Variants in MRC2 observed in about 807,000 individuals in gnomAD.
MRC2 encodes C-type mannose receptor 2.
MRC2 carries 84 observed loss-of-function variants against 206.2 expected under a neutral mutation model. The observed-to-expected ratio is 0.41, with a 90% CI of 0.34 to 0.49. The LOEUF is 0.49. Among genes scored for constraint, MRC2 ranks in the 20% least tolerant of loss-of-function variants. The probability of loss-of-function intolerance (pLI) is 0.31; values close to 1 mark genes in which losing one functional copy is unlikely to be tolerated. For missense variants in MRC2, 1,676 were observed against 2,001.5 expected (o/e 0.84, Z 3.10); for synonymous variants, 798 against 800.0 (o/e 1.00, Z 0.04).
At chr17:62,674,263 TGGCATCGCCC>T in intron 9 of MRC2, 93 bp downstream of exon 9, 1 of 908,750 alleles carries the variant, frequency 1.1e-6, no homozygotes, top group Non-Finnish European at 1.6e-6. Context: ...CTGCCTCGCA[TGGCATCGCCC>T]TCTCGTCGGC....
chr17:62,638,725 G>A (rs2088358874), intron 1 of MRC2, among the ~76,000 whole-genome samples: 1 of 131,026 alleles, frequency 7.6e-6, no homozygotes, highest in African/African-American at 2.9e-5. Flanking sequence ...GTGACAGAGT[G>A]AAACCCTGTC....
chr17:62,670,304 A>C (rs1421299819), intron 6 of MRC2, among the ~76,000 whole-genome samples: 2 of 152,214 alleles, frequency 1.3e-5, no homozygotes, highest in African/African-American at 4.8e-5. Flanking sequence ...GGGTCTCAGC[A>C]GCCACTAAAA....
chr17:62,660,560 T>A (rs1005063607), intron 1 of MRC2, among the ~76,000 whole-genome samples: 1 of 152,176 alleles, frequency 6.6e-6, no homozygotes, highest in Admixed American at 6.5e-5. Flanking sequence ...CAGAAGGGCC[T>A]CACCTTATGA....
intron 20 of MRC2, among the ~76,000 whole-genome samples, chr17:62,687,376 T>A (rs975972275): frequency 4.6e-5 from 7 of 152,146 alleles, no homozygotes; most frequent in Non-Finnish European, 8.8e-5. Context: ...GTCAGGCTGG[T>A]CTCGAACTCC....
Position 62,664,620 on chromosome 17 carries a change from T to G in MRC2, c.191T>G (p.Val64Gly). Residue 64 changes from valine to glycine, a missense_variant, in exon 2 of 30, where the codon GTC becomes GGC. Val to Gly is a moderately radical substitution (Grantham distance 109). Transcript: ENST00000303375. The surrounding 1 kb of genome is among the most constrained non-coding windows in gnomAD (Gnocchi z 4.7). ...CLEAQGGQVR[V>G]TPACNTSLPA... ...GAGGCCCAGGGCGGGCAGGTCAGAG[T>G]CACCCCGGCTTGCAATACCAGCCTC... The G allele has an allele frequency of 6.2e-7, 1 of 1,613,334 alleles. No individual in the cohort carries two copies. The highest frequency in any genetic ancestry group is 8.5e-7 in the Non-Finnish European group (1 of 1,179,968).
At chr17:62,651,652 G>A (rs1405553060) in intron 1 of MRC2, among the ~76,000 whole-genome samples, 1 of 152,132 alleles carries the variant, frequency 6.6e-6, no homozygotes, top group Non-Finnish European at 1.5e-5. Flanking sequence ...TGGGCTCACT[G>A]TAACCTCCTC....
At position 62,692,344 on chromosome 17, in the gene MRC2, G is replaced by A. The variant is rs542650935; in HGVS notation, c.4333G>A (p.Gly1445Arg). ...LYRRRQSIER[G>R]AFEGARYSRS... is the part of the protein sequence containing the mutation. ...CCGGAGGCGCCAGAGCATCGAGCGC[G>A]GGGCCTTTGAGGGTGCCCGCTACAG... The change falls in exon 30 of 30, where the codon GGG becomes AGG. Residue 1445 changes from glycine to arginine, a missense_variant. Around this residue, in one of 3 missense-constraint regions of MRC2, gnomAD observed 1,354 missense variants for 1,636.6 expected, o/e 0.83. Coordinates refer to ENST00000303375, the MANE Select transcript of MRC2 (RefSeq NM_006039.5). The surrounding 1 kb of genome is among the most constrained non-coding windows in gnomAD (Gnocchi z 4.2). The A allele has an allele frequency of 5.5e-4, 862 of 1,575,800 alleles. 15 individuals are homozygous for A. In the South Asian group the frequency reaches 9.3e-3, roughly 17 times the overall value.
At chr17:62,628,301 G>C (rs2084186749) in intron 1 of MRC2, among the ~76,000 whole-genome samples, 1 of 152,164 alleles carries the variant, frequency 6.6e-6, no homozygotes, top group Admixed American at 6.5e-5. Context: ...GGGGAGCCAG[G>C]GCTCTCTGTC....
At chr17:62,647,191 T>TC (rs1038830802) in intron 1 of MRC2, among the ~76,000 whole-genome samples, 1 of 150,182 alleles carries the variant, frequency 6.7e-6, no homozygotes, top group African/African-American at 2.4e-5. Flanking sequence ...TTTTTCTTTT[T>TC]TTTTTTTTTT....
chr17:62,687,711 G>A (rs981536890), intron 20 of MRC2, among the ~76,000 whole-genome samples: 4 of 152,148 alleles, frequency 2.6e-5, no homozygotes, highest in African/African-American at 7.2e-5. Flanking sequence ...GTGAAACCCC[G>A]TCTCTACTAA....
rs1442710627 is a variant in MRC2, at chr17:62,680,158, C to T, written c.2299-12C>T. 4 of 1,613,860 alleles carry T rather than the reference C, an allele frequency of 2.5e-6. No homozygotes were observed. Among genetic ancestry groups the T allele is most frequent in the Admixed American group, 1.7e-5 (1 of 59,988 alleles). On this transcript the variant is annotated splice_polypyrimidine_tract_variant and intron_variant, in intron 14 of 29. Transcript: ENST00000303375. The surrounding 1 kb of genome is among the most constrained non-coding windows in gnomAD (Gnocchi z 4.8). ...GCCTCACGTTCCTCTTCCCTCCACC[C>T]GCCTCCTCCAGTTCTCTTACCACAA...
In MRC2 at chr17:62,680,268, G is replaced by C. The variant is rs752900346; in HGVS notation, c.2397G>C (p.Gln799His). 9 of 1,613,992 alleles carry C rather than the reference G, an allele frequency of 5.6e-6. No individual in the cohort carries two copies. The highest frequency in any genetic ancestry group is 1.1e-5 in the South Asian group (1 of 91,092). ...DLASLQWVAM[Q>H]CDTQLDWICK... ...CCTCCCTGCAGTGGGTGGCCATGCA[G>C]TGCGACACACAGCTGGACTGGATCT... is the stretch of plus-strand genomic sequence containing the variant. Residue 799 changes from glutamine to histidine, a missense_variant, in exon 15 of 30, where the codon CAG (glutamine) becomes CAC (histidine). Gln to His is a conservative substitution (Grantham distance 24). Around this residue, in one of 3 missense-constraint regions of MRC2, gnomAD observed 1,354 missense variants for 1,636.6 expected, o/e 0.83. Transcript: ENST00000303375. This position sits in a 1 kb window ranked among gnomAD's most constrained non-coding sequence, Gnocchi z 4.8.
intron 1 of MRC2, among the ~76,000 whole-genome samples, chr17:62,630,119 G>A (rs78594610): frequency 1.3e-3 from 205 of 152,340 alleles, no homozygotes; most frequent in African/African-American, 4.9e-3. Flanking sequence ...TCTTGGGGAG[G>A]AGGGAAGGTA....
At chr17:62,678,708 C>A (rs531237594) in intron 13 of MRC2, 62 bp downstream of exon 13, 3 of 1,571,492 alleles carry the variant, frequency 1.9e-6, no homozygotes, top group South Asian at 2.4e-5. Context: ...GCAGGCATGG[C>A]CGACAGACCC....
chr17:62,634,255 T>A (rs2088283770), intron 1 of MRC2, among the ~76,000 whole-genome samples: 1 of 152,090 alleles, frequency 6.6e-6, no homozygotes, highest in Admixed American at 6.6e-5. Flanking sequence ...AGCATGCCAA[T>A]GCGTTATAAT....
chr17:62,655,052 G>A (rs563125676), intron 1 of MRC2, among the ~76,000 whole-genome samples: 2 of 152,274 alleles, frequency 1.3e-5, no homozygotes, highest in South Asian at 2.1e-4. Context: ...TTGGGAGGCC[G>A]AGGCAGGCGG....
rs534303368 is a variant in MRC2 at position 62,662,657 on chromosome 17, C to G, written c.119-1891C>G. Reference sequence around the variant, plus strand: ...GGGCACGGTGGCTCATGCCTGTAATCCCAGCACTTTGGGAGACCAAGGTGG... The same window carrying G: ...GGGCACGGTGGCTCATGCCTGTAATGCCAGCACTTTGGGAGACCAAGGTGG... On this transcript the variant is annotated intron_variant, in intron 1 of 29. Transcript: ENST00000303375. Among the ~76,000 whole-genome samples the G allele has an allele frequency of 3.9e-4, 60 of 152,302 alleles. 2 individuals are homozygous for G. In the South Asian group the frequency reaches 0.012, roughly 31 times the overall value.
chr17:62,641,294 C>T (rs1422774375), intron 1 of MRC2, among the ~76,000 whole-genome samples: 4 of 142,096 alleles, frequency 2.8e-5, no homozygotes, highest in South Asian at 4.6e-4. Flanking sequence ...CCAGCCTGGC[C>T]AACAGACCGA....
rs78485066 is a variant in MRC2, at chr17:62,674,331, T to C, written c.1569+161T>C. ...AACTGCTCCTTTATTGAAGGAGTGA[T>C]ACTGGATGGGATGGGACGGGTGGGC... On this transcript the variant is annotated intron_variant, in intron 9 of 29. Coordinates refer to ENST00000303375, the MANE Select transcript of MRC2 (RefSeq NM_006039.5). Among the ~76,000 whole-genome samples the C allele has an allele frequency of 3.1e-3, 477 of 152,234 alleles. 2 individuals carry two copies. The highest frequency in any genetic ancestry group is 0.011 in the African/African-American group (440 of 41,542).
Sources: gnomAD v4.1 joint callset for allele counts (sites outside exome capture counted in the v4.1 genomes callset) on GRCh38, gnomAD v4.1.1 for gene constraint, gnomAD v4.1.1 regional missense constraint, Gnocchi (gnomAD v3.1) non-coding constraint, MANE v1.5 for transcripts, NCBI Gene and HGNC (gene_info 2026-07-23, HGNC 2026-07-21) for gene names.